The following MYOM1 variants were observed in gnomAD, a reference collection of about 807,000 sequenced individuals.
MYOM1 encodes the protein myomesin-1.
MYOM1 carries 164 observed loss-of-function variants against 205.3 expected under a neutral mutation model. The observed-to-expected ratio is 0.80, with a 90% CI of 0.70 to 0.91. The LOEUF is 0.91. MYOM1 is among the 40% of genes least tolerant of loss of function. The pLI is 0.00. For missense variants in MYOM1, 2,011 were observed against 2,127.3 expected (o/e 0.95, Z 1.08); for synonymous variants, 772 against 789.4 (o/e 0.98, Z 0.37).
intron 5 of MYOM1, among the ~76,000 whole-genome samples, chr18:3,185,530 T>G (rs903746872): frequency 6.6e-6 from 1 of 152,162 alleles, no homozygotes; most frequent in Non-Finnish European, 1.5e-5. Context: ...TAGGAAAGTT[T>G]GGAATTTTTT....
chr18:3,102,691 G>C, intron 22 of MYOM1, 61 bp from the exon 23 acceptor site: 1 of 1,544,828 alleles, frequency 6.5e-7, no homozygotes, highest in South Asian at 1.2e-5. Flanking sequence ...GTAAGAATTT[G>C]TTACCTTGAG....
At chr18:3,215,869 G>C (rs550895127) in intron 1 of MYOM1, among the ~76,000 whole-genome samples, 4 of 152,078 alleles carry the variant, frequency 2.6e-5, no homozygotes, top group African/African-American at 4.8e-5. Context: ...TTCTTCATTT[G>C]GGACTTCATT....
intron 5 of MYOM1, among the ~76,000 whole-genome samples, chr18:3,185,522 G>T (rs1167019628): frequency 6.6e-6 from 1 of 151,970 alleles, no homozygotes; most frequent in Non-Finnish European, 1.5e-5. Context: ...CATTTCTATA[G>T]GAAAGTTTGG....
intron 17 of MYOM1, among the ~76,000 whole-genome samples, chr18:3,129,924 T>C (rs898054990): frequency 6.6e-6 from 1 of 152,206 alleles, no homozygotes; most frequent in Non-Finnish European, 1.5e-5. Flanking sequence ...TTAAAGATCC[T>C]AATTTTATAA....
intron 10 of MYOM1, among the ~76,000 whole-genome samples, chr18:3,160,065 T>G (rs1363477305): frequency 1.3e-5 from 2 of 148,310 alleles, no homozygotes; most frequent in Non-Finnish European, 3.0e-5. Context: ...CTCCTCCTTC[T>G]TCTTCTTCTC....
At chr18:3,103,436 C>T (rs942285027) in intron 22 of MYOM1, among the ~76,000 whole-genome samples, 1 of 152,142 alleles carries the variant, frequency 6.6e-6, no homozygotes, top group Non-Finnish European at 1.5e-5. Flanking sequence ...ATTGCACCTG[C>T]ACCTAATAGA....
At chr18:3,122,163 T>C (rs8089944) in intron 19 of MYOM1, among the ~76,000 whole-genome samples, 115,749 of 151,204 alleles carry the variant, frequency 0.77, 45,071 homozygotes, top group East Asian at 0.94. Flanking sequence ...AAATAGAAAG[T>C]ACAAAATAAG....
chr18:3,187,350 C>G, intron 5 of MYOM1, 130 bp downstream of exon 5: 1 of 1,052,756 alleles, frequency 9.5e-7, no homozygotes, highest in South Asian at 1.9e-5. Context: ...CTTCTTCACT[C>G]TTTTAAAAAC....
chr18:3,114,366 C>A (rs868240359), intron 21 of MYOM1, among the ~76,000 whole-genome samples: 1 of 140,514 alleles, frequency 7.1e-6, no homozygotes, highest in Non-Finnish European at 1.5e-5. Flanking sequence ...ATCATCGATG[C>A]AGATCTATTT....
At chr18:3,126,126 A>G (rs577880444) in intron 19 of MYOM1, among the ~76,000 whole-genome samples, 1 of 152,186 alleles carries the variant, frequency 6.6e-6, no homozygotes, top group African/African-American at 2.4e-5. Flanking sequence ...TTAGCTGAGC[A>G]TGGTGGCTTT....
chr18:3,075,704 T>C (rs371322739), intron 35 of MYOM1, 21 bp downstream of exon 35: 15 of 1,602,466 alleles, frequency 9.4e-6, no homozygotes, highest in Non-Finnish European at 1.3e-5. Context: ...CAAGTGGCAT[T>C]TGCTAGGACC....
chr18:3,239,756 CAAAAAAAA>C, the MYOM1 span, among the ~76,000 whole-genome samples: 606 of 42,264 alleles, frequency 0.014, 10 homozygotes, highest in African/African-American at 0.045. Flanking sequence ...CACCTTGTCT[CAAAAAAAA>C]AAAAAAAAAA....
chr18:3,127,282 C>CATATATATAT (rs1241920775), intron 18 of MYOM1, among the ~76,000 whole-genome samples: 64 of 59,484 alleles, frequency 1.1e-3, no homozygotes, highest in African/African-American at 2.9e-3. Context: ...TCAGAATTTC[C>CATATATATAT]ATATATATAT....
intron 2 of MYOM1, among the ~76,000 whole-genome samples, chr18:3,196,849 G>T (rs1185125921): frequency 1.3e-5 from 2 of 152,170 alleles, no homozygotes; most frequent in Admixed American, 6.5e-5. Context: ...ACTTACACCT[G>T]CATTTAATTC....
chr18:3,110,535 T>A (rs1022143994), intron 22 of MYOM1, among the ~76,000 whole-genome samples: 6 of 152,210 alleles, frequency 3.9e-5, no homozygotes, highest in Non-Finnish European at 7.3e-5. Context: ...TTTTTTCATT[T>A]AATAAATTAG....
At chr18:3,075,640 T>G in intron 35 of MYOM1, 85 bp downstream of exon 35, 1 of 1,487,900 alleles carries the variant, frequency 6.7e-7, no homozygotes. Context: ...AAAGGCTCTT[T>G]CTAACACTCA....
rs2081302479 is a variant in MYOM1 at position 3,219,085 on chromosome 18, G to A, written c.-29+718C>T. Among the ~76,000 whole-genome samples, 1 of 152,124 alleles carries A rather than the reference G, an allele frequency of 6.6e-6. No homozygotes were observed. The highest frequency in any genetic ancestry group is 1.9e-4 in the East Asian group (1 of 5,202). On this transcript the variant is annotated intron_variant, in intron 1 of 37. Coordinates refer to ENST00000356443, the MANE Select transcript of MYOM1 (RefSeq NM_003803.4). This position sits in a 1 kb window ranked among gnomAD's most constrained non-coding sequence, Gnocchi z 4.4. ...CATGACGGCTGGAGTACGTTGGGAG[G>A]AAAGATGGTTTTAGTGTCTTTTGTT...
At chr18:3,183,823 G>C (rs1368793349) in intron 5 of MYOM1, among the ~76,000 whole-genome samples, 26 of 152,068 alleles carry the variant, frequency 1.7e-4, no homozygotes, top group Admixed American at 1.7e-3. Context: ...GTCTTCAAGG[G>C]AAAGGCTGCT....
intron 21 of MYOM1, among the ~76,000 whole-genome samples, chr18:3,112,993 C>T (rs2079549294): frequency 6.6e-6 from 1 of 152,054 alleles, no homozygotes; most frequent in Admixed American, 6.6e-5. Flanking sequence ...GAAATTAACA[C>T]AATTGTGAGT....
Sources: allele counts gnomAD v4.1 joint callset (sites outside exome capture counted in the v4.1 genomes callset), GRCh38; gene constraint gnomAD v4.1.1; non-coding constraint Gnocchi (gnomAD v3.1); transcripts MANE v1.5; gene names NCBI Gene and HGNC (gene_info 2026-07-23, HGNC 2026-07-21).